P2RX6: variants seen among roughly 807,000 people sequenced by gnomAD.
The protein encoded by P2RX6 is purinergic receptor P2X 6, also known as P2X purinoceptor 6.
In P2RX6, 62 loss-of-function variants were observed where a neutral mutation model predicts 54.2. The observed-to-expected ratio is 1.14, with a 90% confidence interval of 0.93 to 1.41. P2RX6 has a LOEUF of 1.41. Ranked by LOEUF, P2RX6 falls within the 40% of genes most tolerant of loss-of-function variation. The pLI, the probability that P2RX6 is intolerant of heterozygous loss-of-function variation, is 0.00. For synonymous variants in P2RX6, 211 were observed against 231.9 expected (o/e 0.91, Z 0.82); for missense variants, 541 against 566.3 (o/e 0.96, Z 0.45).
chr22:21,023,791 C>T (rs1165622835), intron 8 of P2RX6, among the ~76,000 whole-genome samples, 173 bp downstream of exon 8: 2 of 152,130 alleles, frequency 1.3e-5, no homozygotes, highest in South Asian at 2.1e-4. Context: ...GCACAGGCTC[C>T]GTCCTGCTGC....
rs201456165 is a variant in P2RX6 at position 21,026,619 on chromosome 22, C to G, written c.*2C>G. On this transcript the variant is annotated 3_prime_UTR_variant, in exon 12 of 12. Transcript: ENST00000413302. The surrounding 1 kb of genome is among the most constrained non-coding windows in gnomAD (Gnocchi z 4.0). ...CCAACCCATTCCGGGAGCCTGTAGC[C>G]GTTCCCTGCTGGTTGAGAGTTGGGG... 120 of 1,574,982 alleles carry G rather than the reference C, an allele frequency of 7.6e-5. No individual in the cohort carries two copies. Among genetic ancestry groups the G allele is most frequent in the Non-Finnish European group, 9.0e-5 (105 of 1,161,178 alleles).
At chr22:21,021,360 C>G (rs973999499) in intron 3 of P2RX6, among the ~76,000 whole-genome samples, 7 of 152,202 alleles carry the variant, frequency 4.6e-5, no homozygotes, top group African/African-American at 1.7e-4. Flanking sequence ...CATTGGGATG[C>G]ACCACTTGGG....
upstream of P2RX6, chr22:21,011,466 G>A: frequency 2.8e-6 from 2 of 705,986 alleles, no homozygotes; most frequent in Admixed American, 4.1e-5. Context: ...CAAGGTGCTG[G>A]GCCGCCTGCT....
chr22:21,011,441 C>A, upstream of P2RX6: 2 of 698,576 alleles, frequency 2.9e-6, no homozygotes, highest in Non-Finnish European at 5.3e-6. Context: ...TCTGTGTGGG[C>A]CAGCAGGAGT....
At chr22:21,016,267 G>T (rs1926368708) in intron 2 of P2RX6, among the ~76,000 whole-genome samples, 175 bp downstream of exon 2, 1 of 152,196 alleles carries the variant, frequency 6.6e-6, no homozygotes, top group Non-Finnish European at 1.5e-5. Flanking sequence ...TCAGGGATGT[G>T]TAGGAGGTTT....
At position 21,015,993 on chromosome 22, in the gene P2RX6, G is replaced by C; in HGVS notation, c.216G>C (p.Gln72His). The C allele has an allele frequency of 6.4e-7, 1 of 1,550,576 alleles. No individual in the cohort carries two copies. The highest frequency in any genetic ancestry group is 2.4e-5 in the East Asian group (1 of 40,980). The change falls in exon 2 of 12, where the codon CAG becomes CAC. Residue 72 changes from glutamine (Q) to histidine (H), a missense_variant. Physicochemically the swap from Gln to His is conservative, Grantham distance 24. Coordinates refer to ENST00000413302, the MANE Select transcript of P2RX6 (RefSeq NM_005446.5). ...ACCAGGAGCGGGACCTGGAACCCCA[G>C]TTTTCCATCATCACCAAACTCAAAG... ...KGYQERDLEP[Q>H]FSIITKLKGV... is the part of the protein sequence containing the mutation.
intron 8 of P2RX6, among the ~76,000 whole-genome samples, chr22:21,023,842 T>G (rs1318637): frequency 1.3e-5 from 2 of 152,230 alleles, no homozygotes; most frequent in East Asian, 3.9e-4. Flanking sequence ...CCCAGGCCCC[T>G]GCCCAGCTCA....
At chr22:21,014,740 A>C (rs1453784060), upstream of P2RX6, among the ~76,000 whole-genome samples, 1 of 152,128 alleles carries the variant, frequency 6.6e-6, no homozygotes, top group Non-Finnish European at 1.5e-5. Context: ...CTGCACCAGG[A>C]ACCTCCATCC....
chr22:21,026,159 G>A lies in P2RX6; in HGVS notation c.1050+83G>A. On this transcript the variant is annotated intron_variant, in intron 10 of 11. Coordinates refer to ENST00000413302, the MANE Select transcript of P2RX6 (RefSeq NM_005446.5). The surrounding 1 kb of genome is among the most constrained non-coding windows in gnomAD (Gnocchi z 4.0). ...TGTCCAATGCATGCTGGAGCCTCCG[G>A]TGCCTGCACATTGAGTCTCGGGGTG... 2 of 1,531,344 alleles carry A rather than the reference G, an allele frequency of 1.3e-6. No homozygotes were observed. Among genetic ancestry groups the A allele is most frequent in the Non-Finnish European group, 8.9e-7 (1 of 1,125,620 alleles). 94.9% of individuals were successfully genotyped at this position (1,531,344 alleles called of 1,614,324 possible).
Position 21,018,368 on chromosome 22 carries a change from A to G in P2RX6, c.387+308A>G, listed in dbSNP as rs537172209. The G allele has an allele frequency of 2.5e-5, 10 of 396,608 alleles. No homozygotes were observed. In the East Asian group the frequency reaches 5.9e-4, roughly 23 times the overall value. 24.6% of individuals were successfully genotyped at this position (396,608 alleles called of 1,614,324 possible). A position where few individuals can be genotyped will look rare whatever the true frequency, so the allele number is the denominator to read the frequency against. On this transcript the variant is annotated intron_variant, in intron 3 of 11. Transcript: ENST00000413302. ...CGAGCTCTGGGCAGCAGCAGTTCCC[A>G]TGAGGTGTCCAGGCCCTCCCATCCT...
At chr22:21,022,873 C>T in intron 4 of P2RX6, 69 bp from the exon 5 acceptor site, 3 of 1,512,522 alleles carry the variant, frequency 2.0e-6, no homozygotes, top group Non-Finnish European at 2.8e-6. Flanking sequence ...CTGCCAACAA[C>T]CCCCTGGCTG....
chr22:21,018,546 C>T (rs1458477237), intron 3 of P2RX6: 1 of 190,850 alleles, frequency 5.2e-6, no homozygotes, highest in African/African-American at 2.3e-5. Flanking sequence ...CAGCTTTCAT[C>T]TTTGTGGGCC....
At position 21,026,075 on chromosome 22, in the gene P2RX6, T is replaced by G. The variant is rs779217732; in HGVS notation, c.1049T>G (p.Val350Gly). 3.7e-6 allele frequency: 6 copies of G among 1,609,154 alleles called. No homozygotes were observed. In the East Asian group the frequency reaches 1.1e-4, roughly 30 times the overall value. Residue 350 changes from valine to glycine, a missense_variant and splice_region_variant, in exon 10 of 12, where the codon GTG (valine) becomes GGG (glycine). By Grantham distance (109) the Val-to-Gly change is moderately radical (BLOSUM62 -3). Around this residue, in one of 2 missense-constraint regions of P2RX6, gnomAD observed 526 missense variants for 531.5 expected, o/e 0.99. Transcript: ENST00000413302. The surrounding 1 kb of genome is among the most constrained non-coding windows in gnomAD (Gnocchi z 4.0). ...GGCACCGGGGCAGCTTGGCTGGGCG[T>G]GGTGAGTGCGAGCACTGTGGGCACC... ...TLGTGAAWLG[V>G]VTFFCDLLLL...
At chr22:21,016,184 A>G in intron 2 of P2RX6, 92 bp downstream of exon 2, 1 of 1,305,430 alleles carries the variant, frequency 7.7e-7, no homozygotes, top group Non-Finnish European at 1.1e-6. Flanking sequence ...GCGAGAGAGA[A>G]GCATGTGATG....
At position 21,023,772 on chromosome 22, in the gene P2RX6, C is replaced by T. The variant is rs1927912552; in HGVS notation, c.890+154C>T. 2.6e-5 allele frequency among the ~76,000 whole-genome samples: 4 copies of T among 152,194 alleles called. No homozygotes were observed. The South Asian group carries it at 8.3e-4, about 31-fold the overall frequency. On this transcript the variant is annotated intron_variant, in intron 8 of 11. Transcript: ENST00000413302. ...CAGGAGAGAGCTGTTCTCAACCCCACATCCTCCAGCACAGGCTCCGTCCTG... is the reference window on the plus strand; with the variant it reads ...CAGGAGAGAGCTGTTCTCAACCCCATATCCTCCAGCACAGGCTCCGTCCTG...
chr22:21,024,871 T>A (rs1928120279), intron 8 of P2RX6, among the ~76,000 whole-genome samples: 1 of 91,198 alleles, frequency 1.1e-5, no homozygotes, highest in African/African-American at 5.1e-5. Flanking sequence ...AAGCCTGTTT[T>A]TTTTGTGTTT....
upstream of P2RX6, chr22:21,014,383 G>A (rs1345115797): frequency 6.6e-6 from 1 of 152,366 alleles, no homozygotes; most frequent in Non-Finnish European, 1.5e-5. Context: ...GCTCCCCCGC[G>A]GCGGTCGCCC....
intron 3 of P2RX6, 26 bp downstream of exon 3, chr22:21,018,086 C>T (rs371538131): frequency 7.1e-6 from 11 of 1,539,506 alleles, no homozygotes; most frequent in African/African-American, 5.5e-5. Flanking sequence ...ATCCTCCCAG[C>T]GGGTCCCTTG....
chr22:21,026,413 T>A lies in P2RX6; in HGVS notation c.1129-7T>A, dbSNP rs1354262099. On this transcript the variant is annotated splice_region_variant and splice_polypyrimidine_tract_variant and intron_variant, in intron 11 of 11. Coordinates refer to ENST00000413302, the MANE Select transcript of P2RX6 (RefSeq NM_005446.5). The surrounding 1 kb of genome is among the most constrained non-coding windows in gnomAD (Gnocchi z 4.0). Reference sequence around the variant, plus strand: ...CTGGATCCCTGACCTGCTGTCCTCATCTGCAGGCCAAGGCCCCGAAAGCAA... The same window carrying A: ...CTGGATCCCTGACCTGCTGTCCTCAACTGCAGGCCAAGGCCCCGAAAGCAA... 1 of 1,596,838 alleles carries A rather than the reference T, an allele frequency of 6.3e-7. No individual in the cohort carries two copies. Among genetic ancestry groups the A allele is most frequent in the Admixed American group, 1.7e-5 (1 of 57,550 alleles).
Sources: allele counts gnomAD v4.1 joint callset (sites outside exome capture counted in the v4.1 genomes callset), GRCh38; gene constraint gnomAD v4.1.1; regional missense constraint gnomAD v4.1.1; non-coding constraint Gnocchi (gnomAD v3.1); transcripts MANE v1.5; gene names NCBI Gene and HGNC (gene_info 2026-07-23, HGNC 2026-07-21).